Variants in ATRNL1 observed in about 807,000 individuals in gnomAD.
The protein encoded by ATRNL1 is attractin-like protein 1.
ATRNL1 carries 95 observed loss-of-function variants against 182.7 expected under a neutral mutation model. That is an observed-to-expected ratio of 0.52 (90% CI 0.44 to 0.62). The LOEUF is 0.62. Among genes scored for constraint, ATRNL1 ranks in the 20% least tolerant of loss-of-function variants. The pLI is 0.00. For missense variants in ATRNL1, 1,471 were observed against 1,679.5 expected, an observed-to-expected ratio of 0.88 and a Z score of 2.17; for synonymous variants, 576 against 568.3, an observed-to-expected ratio of 1.01 and a Z score of -0.19.
intron 20 of ATRNL1, among the ~76,000 whole-genome samples, chr10:115,399,853 C>T (rs1844476058): frequency 1.3e-5 from 2 of 151,798 alleles, no homozygotes; most frequent in African/African-American, 4.8e-5. Flanking sequence ...ACAACCTAGG[C>T]AATGCCGTTT....
chr10:115,789,752 G>A (rs1228325730), intron 27 of ATRNL1, among the ~76,000 whole-genome samples: 2 of 152,104 alleles, frequency 1.3e-5, no homozygotes, highest in Non-Finnish European at 2.9e-5. Context: ...TGCTTCCTAC[G>A]CCAGGGCAAA....
chr10:115,567,599 G>C (rs147260548), intron 26 of ATRNL1, among the ~76,000 whole-genome samples: 207 of 152,066 alleles, frequency 1.4e-3, no homozygotes, highest in African/African-American at 4.6e-3. Flanking sequence ...TGTCTTTGTT[G>C]ATAGTTTTAG....
chr10:115,493,928 A>G (rs1554977393), intron 24 of ATRNL1, among the ~76,000 whole-genome samples: 3 of 152,054 alleles, frequency 2.0e-5, no homozygotes. Flanking sequence ...GAAATGTGTC[A>G]GTTTGTGTTC....
chr10:115,613,368 A>C (rs1857261474), intron 26 of ATRNL1, among the ~76,000 whole-genome samples: 1 of 152,140 alleles, frequency 6.6e-6, no homozygotes, highest in South Asian at 2.1e-4. Context: ...TACATCCCTC[A>C]TGTAAATCCC....
At chr10:115,908,782 G>A (rs1422540849) in intron 28 of ATRNL1, among the ~76,000 whole-genome samples, 1 of 152,212 alleles carries the variant, frequency 6.6e-6, no homozygotes, top group South Asian at 2.1e-4. Flanking sequence ...TCCTGCTACT[G>A]GTTCCCTAAT....
intron 20 of ATRNL1, among the ~76,000 whole-genome samples, chr10:115,420,186 G>A (rs1845587314): frequency 6.6e-6 from 1 of 151,882 alleles, no homozygotes; most frequent in Non-Finnish European, 1.5e-5. Flanking sequence ...TGTGATTACA[G>A]GTGCCTGCCA....
intron 27 of ATRNL1, among the ~76,000 whole-genome samples, chr10:115,809,826 C>G (rs1555086531): frequency 6.6e-6 from 1 of 151,844 alleles, no homozygotes; most frequent in African/African-American, 2.4e-5. Flanking sequence ...TTGTCTAGTA[C>G]ACTGTGGAAT....
chr10:115,654,410 G>A (rs1860203592), intron 26 of ATRNL1, among the ~76,000 whole-genome samples: 1 of 151,786 alleles, frequency 6.6e-6, no homozygotes, highest in Non-Finnish European at 1.5e-5. Flanking sequence ...GTAGAGACGG[G>A]GTTTTGCCAT....
At chr10:115,553,616 A>G (rs1853132071) in intron 26 of ATRNL1, among the ~76,000 whole-genome samples, 1 of 151,300 alleles carries the variant, frequency 6.6e-6, no homozygotes, top group Admixed American at 6.6e-5. Context: ...TAAAACTTAG[A>G]TTTGCATTTT....
At chr10:115,629,981 G>C (rs1858373323) in intron 26 of ATRNL1, among the ~76,000 whole-genome samples, 1 of 151,970 alleles carries the variant, frequency 6.6e-6, no homozygotes, top group East Asian at 1.9e-4. Context: ...CAACTTATAG[G>C]TTCCCTTTTC....
At chr10:115,588,796 GTTTA>G (rs1258268154) in intron 26 of ATRNL1, among the ~76,000 whole-genome samples, 1 of 152,138 alleles carries the variant, frequency 6.6e-6, no homozygotes, top group African/African-American at 2.4e-5. Context: ...ATGTGTAGCT[GTTTA>G]TTTAGTGCAT....
intron 10 of ATRNL1, among the ~76,000 whole-genome samples, chr10:115,262,735 CAG>C (rs532217237): frequency 1.3e-5 from 2 of 151,960 alleles, no homozygotes; most frequent in South Asian, 4.1e-4. Flanking sequence ...AAGTCTTAAA[CAG>C]TGATTTCATA....
intron 8 of ATRNL1, among the ~76,000 whole-genome samples, chr10:115,181,323 C>T (rs548960879): frequency 1.3e-5 from 2 of 151,938 alleles, no homozygotes; most frequent in Admixed American, 1.3e-4. Flanking sequence ...AGATAGGAAT[C>T]AAAAGATGCC....
intron 26 of ATRNL1, among the ~76,000 whole-genome samples, chr10:115,717,548 C>CTTTTTTGTTT (rs1947291870): frequency 1.2e-5 from 1 of 84,350 alleles, no homozygotes; most frequent in Non-Finnish European, 2.2e-5. Context: ...CTGAAATGTT[C>CTTTTTTGTTT]TTTTTTTTTT....
chr10:115,589,359 A>G (rs1463820556), intron 26 of ATRNL1, among the ~76,000 whole-genome samples: 1 of 152,154 alleles, frequency 6.6e-6, no homozygotes, highest in African/African-American at 2.4e-5. Flanking sequence ...GGCTTCCTAT[A>G]TCAGTATGGA....
chr10:115,716,883 AAT>A (rs1238743107), intron 26 of ATRNL1, among the ~76,000 whole-genome samples: 1 of 152,200 alleles, frequency 6.6e-6, no homozygotes, highest in Non-Finnish European at 1.5e-5. Flanking sequence ...AAGTTTAAGA[AAT>A]ATACTCCATA....
At chr10:115,109,694 CTT>C (rs781986421) in intron 1 of ATRNL1, among the ~76,000 whole-genome samples, 57 of 152,274 alleles carry the variant, frequency 3.7e-4, no homozygotes, top group Non-Finnish European at 7.4e-4. Flanking sequence ...TGCAATATCT[CTT>C]TCCTCCTTTC....
chr10:115,547,993 G>A (rs989134580), intron 25 of ATRNL1, among the ~76,000 whole-genome samples: 3 of 152,168 alleles, frequency 2.0e-5, no homozygotes, highest in Admixed American at 6.5e-5. Context: ...GAATGGATAT[G>A]GAAACAGAGT....
chr10:115,619,473 G>T (rs573743414), intron 26 of ATRNL1, among the ~76,000 whole-genome samples: 1 of 152,154 alleles, frequency 6.6e-6, no homozygotes, highest in African/African-American at 2.4e-5. Context: ...ATTGTGTCAG[G>T]GGTGGGTGCT....
Sources: gnomAD v4.1 joint callset for allele counts (sites outside exome capture counted in the v4.1 genomes callset) on GRCh38, gnomAD v4.1.1 for gene constraint, MANE v1.5 for transcripts, NCBI Gene and HGNC (gene_info 2026-07-23, HGNC 2026-07-21) for gene names.